EML5: variants seen among roughly 807,000 people sequenced by gnomAD.
The protein encoded by EML5 is EMAP like 5.
A neutral mutation model predicts 250.0 loss-of-function variants in EML5; 120 were observed. The observed-to-expected ratio is 0.48, with a 90% CI of 0.41 to 0.56. The LOEUF is 0.56. Among genes scored for constraint, EML5 ranks in the 20% least tolerant of loss-of-function variants. EML5 has a pLI of 0.00. For synonymous variants in EML5, 771 were observed against 806.5 expected, an observed-to-expected ratio of 0.96 and a Z score of 0.75; for missense variants, 2,006 against 2,437.6, an observed-to-expected ratio of 0.82 and a Z score of 3.73.
At position 88,616,142 on chromosome 14, in the gene EML5, C is replaced by A; in HGVS notation, c.5897G>T (p.Ser1966Ile). The A allele has an allele frequency of 6.2e-7, 1 of 1,613,732 alleles. No individual in the cohort carries two copies. The highest frequency in any genetic ancestry group is 8.5e-7 in the Non-Finnish European group (1 of 1,179,710). ...TTCATGGGCTGAGAAAGTTACTAAC[C>A]TGCAGTCATCACCTCCAGCACTAAC... Reference protein sequence around the residue: ...HVVSAGGDDCSLFVWKCVHTP... With the variant: ...HVVSAGGDDCILFVWKCVHTP... The change falls in exon 43 of 44, where the codon AGC becomes ATC. Residue 1966 changes from serine to isoleucine, a missense_variant and splice_region_variant. By Grantham distance (142) the Ser-to-Ile change is moderately radical (BLOSUM62 -2). Coordinates refer to ENST00000554922, the MANE Select transcript of EML5 (RefSeq NM_183387.3).
chr14:88,755,229 G>A (rs550792308), intron 1 of EML5, among the ~76,000 whole-genome samples: 16 of 152,128 alleles, frequency 1.1e-4, no homozygotes, highest in Non-Finnish European at 1.9e-4. Flanking sequence ...GCAATATATT[G>A]TGTGTAAACT....
At chr14:88,616,417 G>T in intron 42 of EML5, 175 bp from the exon 43 acceptor site, 1 of 664,834 alleles carries the variant, frequency 1.5e-6, no homozygotes, top group Non-Finnish European at 2.6e-6. Context: ...ACCAGGCTGT[G>T]TGGGCAGTCA....
chr14:88,668,331 G>C, intron 21 of EML5, among the ~76,000 whole-genome samples: 1 of 152,086 alleles, frequency 6.6e-6, no homozygotes, highest in Non-Finnish European at 1.5e-5. Flanking sequence ...AGTGCAGGAA[G>C]AAGAGATAGC....
chr14:88,734,654 T>C (rs1041375710), intron 7 of EML5, among the ~76,000 whole-genome samples: 1 of 151,982 alleles, frequency 6.6e-6, no homozygotes, highest in African/African-American at 2.4e-5. Flanking sequence ...AGACTACACA[T>C]TACATACCAT....
At position 88,613,900 on chromosome 14, in the gene EML5, A is replaced by G. The variant is rs781657444; in HGVS notation, c.*1918T>C. The G allele has an allele frequency of 9.2e-5, 14 of 152,194 alleles. No homozygotes were observed. Among genetic ancestry groups the G allele is most frequent in the African/African-American group, 2.4e-5 (1 of 41,450 alleles). The allele number at this position is 152,194 out of a possible 1,614,324, so 9.4% of individuals were successfully genotyped here. Reference sequence around the variant, plus strand: ...TTCACCTTCCCCTCGTTGCTGGCTGATACAGCGAGGTGGTCAGCTGATGAC... The same window carrying G: ...TTCACCTTCCCCTCGTTGCTGGCTGGTACAGCGAGGTGGTCAGCTGATGAC... On this transcript the variant is annotated 3_prime_UTR_variant, in exon 44 of 44. Transcript: ENST00000554922.
intron 17 of EML5, among the ~76,000 whole-genome samples, chr14:88,689,467 C>T (rs1484692844): frequency 6.6e-6 from 1 of 152,208 alleles, no homozygotes; most frequent in Non-Finnish European, 1.5e-5. Context: ...GAATATTATG[C>T]TAGATCACAT....
intron 33 of EML5, among the ~76,000 whole-genome samples, chr14:88,628,555 A>G (rs557282365): frequency 6.6e-6 from 1 of 152,242 alleles, no homozygotes; most frequent in South Asian, 2.1e-4. Context: ...AAAAATGGAT[A>G]GGTCAATTCA....
chr14:88,742,112 A>G (rs1006918952), intron 4 of EML5, among the ~76,000 whole-genome samples: 19 of 152,176 alleles, frequency 1.2e-4, no homozygotes, highest in South Asian at 2.1e-4. Context: ...TGGACTCCCA[A>G]TTGAGATGAA....
chr14:88,696,183 A>G (rs1157452612), intron 15 of EML5, among the ~76,000 whole-genome samples: 1 of 151,484 alleles, frequency 6.6e-6, no homozygotes, highest in Non-Finnish European at 1.5e-5. Context: ...ATATATATAT[A>G]TATTTCCCTC....
At chr14:88,647,213 C>T (rs185791419) in intron 28 of EML5, among the ~76,000 whole-genome samples, 1 of 151,348 alleles carries the variant, frequency 6.6e-6, no homozygotes, top group African/African-American at 2.4e-5. Flanking sequence ...ATACAAAAAA[C>T]ATTAGCCAGG....
intron 5 of EML5, among the ~76,000 whole-genome samples, chr14:88,740,001 T>C (rs2093901493): frequency 6.6e-6 from 1 of 152,182 alleles, no homozygotes; most frequent in African/African-American, 2.4e-5. Flanking sequence ...AGCAGATTTC[T>C]TTTTAAGTTT....
chr14:88,617,962 C>T (rs1940639184), intron 41 of EML5: 1 of 262,890 alleles, frequency 3.8e-6, no homozygotes, highest in Non-Finnish European at 7.2e-6. Context: ...TTAAATTTAG[C>T]ATTAAGAAAA....
chr14:88,696,013 C>T (rs2093069761), intron 15 of EML5, among the ~76,000 whole-genome samples: 1 of 152,076 alleles, frequency 6.6e-6, no homozygotes, highest in Admixed American at 6.5e-5. Flanking sequence ...TGTTTACAGG[C>T]TGTAAAGGCT....
chr14:88,664,335 T>A (rs2092242084), intron 23 of EML5, among the ~76,000 whole-genome samples, 158 bp downstream of exon 23: 1 of 151,584 alleles, frequency 6.6e-6, no homozygotes, highest in African/African-American at 2.4e-5. Context: ...ATAGTATTCA[T>A]CTTCAGATGT....
intron 2 of EML5, among the ~76,000 whole-genome samples, chr14:88,753,884 C>T (rs998573997): frequency 6.6e-6 from 1 of 151,960 alleles, no homozygotes; most frequent in Non-Finnish European, 1.5e-5. Flanking sequence ...GCCTGTAATT[C>T]CAGCACTTTG....
At chr14:88,766,232 G>A (rs1391613120) in intron 1 of EML5, among the ~76,000 whole-genome samples, 3 of 152,282 alleles carry the variant, frequency 2.0e-5, no homozygotes, top group East Asian at 1.9e-4. Context: ...GGATAACAGC[G>A]ATGTTCAGGG....
intron 41 of EML5, chr14:88,617,768 A>G (rs2087963875): frequency 6.5e-6 from 1 of 153,848 alleles, no homozygotes; most frequent in Non-Finnish European, 1.4e-5. Context: ...TGCCTGGCTG[A>G]TACAGGAATT....
intron 16 of EML5, 111 bp from the exon 17 acceptor site, chr14:88,694,518 C>A: frequency 1.4e-6 from 1 of 726,134 alleles, no homozygotes. Context: ...ATTTTACTCC[C>A]ACTTATCTCT....
At chr14:88,686,551 G>A (rs2141227939) in intron 19 of EML5, among the ~76,000 whole-genome samples, 1 of 152,122 alleles carries the variant, frequency 6.6e-6, no homozygotes, top group East Asian at 1.9e-4. Context: ...CAAGCACAGT[G>A]GCTCATGCCT....
Sources: allele counts gnomAD v4.1 joint callset (sites outside exome capture counted in the v4.1 genomes callset), GRCh38; gene constraint gnomAD v4.1.1; transcripts MANE v1.5; gene names NCBI Gene and HGNC (gene_info 2026-07-23, HGNC 2026-07-21).